The following TMEM150B variants were observed in gnomAD, a reference collection of about 807,000 sequenced individuals.
The protein encoded by TMEM150B is modulator of macroautophagy TMEM150B.
TMEM150B carries 33 observed loss-of-function variants against 25.2 expected under a neutral mutation model. The observed-to-expected ratio is 1.31, with a 90% CI of 0.99 to 1.75. The LOEUF (loss-of-function observed/expected upper bound fraction) is 1.75. Ranked by LOEUF, TMEM150B falls within the 40% of genes most tolerant of loss-of-function variation. The pLI, the probability that TMEM150B is intolerant of heterozygous loss-of-function variation, is 0.00. For missense variants in TMEM150B, 322 were observed against 306.1 expected (o/e 1.05, Z -0.39); for synonymous variants, 133 against 134.8 (o/e 0.99, Z 0.09).
chr19:55,321,183 T>C, intron 2 of TMEM150B, 90 bp from the exon 3 acceptor site: 1 of 1,445,332 alleles, frequency 6.9e-7, no homozygotes. Context: ...AGAAGTCACC[T>C]GTAGGGGTCT....
intron 1 of TMEM150B, chr19:55,324,630 A>C (rs550012171): frequency 1.2e-6 from 1 of 812,310 alleles, no homozygotes; most frequent in Non-Finnish European, 1.5e-6. Flanking sequence ...CCTGGGCGAC[A>C]GAGTGAGACT....
chr19:55,318,885 C>T (rs561720807), intron 6 of TMEM150B, among the ~76,000 whole-genome samples: 16 of 152,248 alleles, frequency 1.1e-4, no homozygotes, highest in South Asian at 2.1e-4. Flanking sequence ...ACTGCAGCCT[C>T]GACCTCCTGG....
chr19:55,321,103 C>T lies in TMEM150B; in HGVS notation c.-57-10G>A. ...CCTGTCTCTCTCACACCTGAAGAAC[C>T]AGCCCTCAAGGAGGGCCCAGGTGCA... On this transcript the variant is annotated splice_polypyrimidine_tract_variant and intron_variant, in intron 2 of 7. Coordinates refer to ENST00000326652, the MANE Select transcript of TMEM150B (RefSeq NM_001282011.2). 6.4e-7 allele frequency: 1 copy of T among 1,556,546 alleles called. No homozygotes were observed. The highest frequency in any genetic ancestry group is 1.2e-5 in the South Asian group (1 of 82,992).
At chr19:55,324,397 C>G (rs548482703) in intron 1 of TMEM150B, among the ~76,000 whole-genome samples, 1 of 152,014 alleles carries the variant, frequency 6.6e-6, no homozygotes, top group African/African-American at 2.4e-5. Flanking sequence ...CGCCTGCAAT[C>G]CCAGCACTTT....
chr19:55,325,224 C>T (rs1330674293), intron 1 of TMEM150B, 48 bp downstream of exon 1: 1 of 967,840 alleles, frequency 1.0e-6, no homozygotes, highest in African/African-American at 1.8e-5. Context: ...GGGGACAGGG[C>T]TCCAGCCTGC....
rs565858642 is a variant in TMEM150B, at chr19:55,320,152, T to G, written c.211A>C (p.Ile71Leu). ...TCCCGGAGCTGGTGGTAACGGACAA[T>G]GCAGATCCACGCGGCTGGGAGTAGA... Reference protein sequence around the residue: ...MGAALAAWICIVRYHQLRDWG... With the variant: ...MGAALAAWICLVRYHQLRDWG... The change falls in exon 6 of 8, where the codon ATT (isoleucine) becomes CTT (leucine). Residue 71 changes from isoleucine to leucine, a missense_variant. By Grantham distance (5) the Ile-to-Leu change is conservative (BLOSUM62 2). Coordinates refer to ENST00000326652, the MANE Select transcript of TMEM150B (RefSeq NM_001282011.2). 3.1e-6 allele frequency: 5 copies of G among 1,613,904 alleles called. No homozygotes were observed. The East Asian group carries it at 1.1e-4, about 36-fold the overall frequency.
chr19:55,321,171 G>A (rs1400144581), intron 2 of TMEM150B, 78 bp from the exon 3 acceptor site: 1 of 1,455,248 alleles, frequency 6.9e-7, no homozygotes, highest in Admixed American at 2.7e-5. Flanking sequence ...TGGCTCTCAG[G>A]CAGAAGTCAC....
intron 2 of TMEM150B, among the ~76,000 whole-genome samples, chr19:55,321,891 C>G (rs2089216522): frequency 1.3e-5 from 2 of 152,226 alleles, no homozygotes; most frequent in South Asian, 4.1e-4. Flanking sequence ...CACTGACAAC[C>G]CTGCCTCCTC....
At chr19:55,312,562 A>AAG (rs2088832939), downstream of TMEM150B, 1 of 245,192 alleles carries the variant, frequency 4.1e-6, no homozygotes, top group Non-Finnish European at 7.6e-6. Context: ...AAAAAAAAAA[A>AAG]GATAATAATA....
chr19:55,314,864 G>A (rs534490089), intron 7 of TMEM150B, among the ~76,000 whole-genome samples: 20 of 152,284 alleles, frequency 1.3e-4, no homozygotes, highest in Non-Finnish European at 2.6e-4. Context: ...TCCAAGAAAC[G>A]GATGCACTTA....
chr19:55,314,998 C>T (rs949006301), intron 7 of TMEM150B, among the ~76,000 whole-genome samples: 1 of 152,082 alleles, frequency 6.6e-6, no homozygotes, highest in Non-Finnish European at 1.5e-5. Flanking sequence ...TCCTTTCTCT[C>T]ACTCTACACT....
At chr19:55,324,642 C>T (rs11084393) in intron 1 of TMEM150B, 304,239 of 869,856 alleles carry the variant, frequency 0.35, 53,976 homozygotes, top group South Asian at 0.46. Context: ...AGTGAGACTC[C>T]GTCTCCAAAA....
chr19:55,316,247 C>T (rs1389580151), intron 7 of TMEM150B, among the ~76,000 whole-genome samples: 3 of 152,108 alleles, frequency 2.0e-5, no homozygotes, highest in African/African-American at 7.2e-5. Flanking sequence ...TCACAGAATG[C>T]CTCTCAGAGC....
At chr19:55,314,765 T>C (rs1259664363) in intron 7 of TMEM150B, among the ~76,000 whole-genome samples, 1 of 152,192 alleles carries the variant, frequency 6.6e-6, no homozygotes, top group African/African-American at 2.4e-5. Flanking sequence ...TAGGCCGGGC[T>C]GAGGGGCCAG....
At chr19:55,318,439 C>T (rs1190911248) in intron 6 of TMEM150B, among the ~76,000 whole-genome samples, 1 of 151,908 alleles carries the variant, frequency 6.6e-6, no homozygotes, top group Non-Finnish European at 1.5e-5. Flanking sequence ...CAAGACCAGC[C>T]TGGCCAATAT....
chr19:55,314,322 G>T (rs534849073), intron 7 of TMEM150B, among the ~76,000 whole-genome samples: 3 of 152,084 alleles, frequency 2.0e-5, no homozygotes, highest in Non-Finnish European at 4.4e-5. Flanking sequence ...ATGCCTGACC[G>T]TAAACTTCCT....
At chr19:55,323,847 C>G (rs1168513086) in intron 1 of TMEM150B, among the ~76,000 whole-genome samples, 1 of 137,544 alleles carries the variant, frequency 7.3e-6, no homozygotes, top group Non-Finnish European at 1.5e-5. Context: ...CCCTCTGTTG[C>G]CCAGGCTGGA....
chr19:55,323,596 G>A (rs1217608167), intron 1 of TMEM150B, among the ~76,000 whole-genome samples: 1 of 150,274 alleles, frequency 6.7e-6, no homozygotes, highest in Non-Finnish European at 1.5e-5. Context: ...TCTGCTTCCC[G>A]GGTTCAAGTG....
In TMEM150B at chr19:55,320,050, C is replaced by T; in HGVS notation, c.313G>A (p.Gly105Ser). 2 of 1,614,124 alleles carry T rather than the reference C, an allele frequency of 1.2e-6. No individual in the cohort carries two copies. Among genetic ancestry groups the T allele is most frequent in the Non-Finnish European group, 1.7e-6 (2 of 1,180,010 alleles). Reference sequence around the variant, plus strand: ...CGACTGGGTCTCACCTGGAAATTGCCTACCACGGAGGTGCCCAGGGCACAC... The same window carrying T: ...CGACTGGGTCTCACCTGGAAATTGCTTACCACGGAGGTGCCCAGGGCACAC... ...LLCALGTSVV[G>S]NFQEKNQRPT... Residue 105 changes from glycine (G) to serine (S), a missense_variant, in exon 6 of 8, where the codon GGC (glycine) becomes AGC (serine). Transcript: ENST00000326652.
Sources: gnomAD v4.1 joint callset for allele counts (sites outside exome capture counted in the v4.1 genomes callset) on GRCh38, gnomAD v4.1.1 for gene constraint, MANE v1.5 for transcripts, NCBI Gene and HGNC (gene_info 2026-07-23, HGNC 2026-07-21) for gene names.